NACC2: variants seen among roughly 807,000 people sequenced by gnomAD.
NACC2 encodes NACC family member 2.
A neutral mutation model predicts 25.1 loss-of-function variants in NACC2; 8 were observed. The ratio of observed to expected loss-of-function variants is 0.32; its 90% CI spans 0.19 to 0.57. The LOEUF (loss-of-function observed/expected upper bound fraction) is 0.57, where lower values mean the gene tolerates loss of function less well. NACC2 is among the 20% of genes least tolerant of loss of function. The pLI is 0.89. For missense variants in NACC2, 644 were observed against 650.2 expected, an observed-to-expected ratio of 0.99 and a Z score of 0.10; for synonymous variants, 435 against 294.7, an observed-to-expected ratio of 1.48 and a Z score of -4.88.
At chr9:136,043,462 C>T (rs1445367645) in intron 2 of NACC2, among the ~76,000 whole-genome samples, 6 of 152,362 alleles carry the variant, frequency 3.9e-5, no homozygotes, top group African/African-American at 4.8e-5. Context: ...CAGAGAACCC[C>T]GGCTGCCGTA....
At chr9:136,029,880 C>T (rs1049381483) in intron 2 of NACC2, among the ~76,000 whole-genome samples, 4 of 152,130 alleles carry the variant, frequency 2.6e-5, no homozygotes, top group Admixed American at 6.5e-5. Flanking sequence ...GTGTGGGATC[C>T]GGGCCGGTAG....
At chr9:136,064,606 A>G (rs1057443725) in intron 1 of NACC2, among the ~76,000 whole-genome samples, 4 of 152,186 alleles carry the variant, frequency 2.6e-5, no homozygotes, top group African/African-American at 9.6e-5. Context: ...TAACATTATT[A>G]AAGTCTTCCT....
chr9:136,081,427 T>C (rs1830322777), intron 1 of NACC2, among the ~76,000 whole-genome samples: 1 of 152,190 alleles, frequency 6.6e-6, no homozygotes, highest in South Asian at 2.1e-4. Flanking sequence ...TCCTCCCAGC[T>C]GGGAACTCAG....
intron 5 of NACC2, among the ~76,000 whole-genome samples, chr9:136,012,658 T>TG (rs1236310520): frequency 6.6e-6 from 1 of 151,362 alleles, no homozygotes; most frequent in East Asian, 1.9e-4. Context: ...CAAGGTTTTT[T>TG]TTTTTTTTTT....
intron 2 of NACC2, among the ~76,000 whole-genome samples, chr9:136,039,762 G>C (rs1840601264): frequency 6.6e-6 from 1 of 151,926 alleles, no homozygotes; most frequent in African/African-American, 2.4e-5. Context: ...CTACAAACTG[G>C]TCAAATGCAG....
intron 1 of NACC2, among the ~76,000 whole-genome samples, chr9:136,071,577 ACC>A (rs1841153317): frequency 6.7e-6 from 1 of 149,532 alleles, no homozygotes; most frequent in Non-Finnish European, 1.5e-5. Flanking sequence ...TACCAGCAAG[ACC>A]TTTTGTAAAT....
chr9:136,052,233 G>A (rs1840856139), intron 1 of NACC2, among the ~76,000 whole-genome samples: 1 of 152,224 alleles, frequency 6.6e-6, no homozygotes, highest in Admixed American at 6.5e-5. Context: ...ATACTGTACA[G>A]TAGTGGAGAA....
Position 136,010,232 on chromosome 9 carries a change from T to C in NACC2, c.*1284A>G. The C allele has an allele frequency of 6.6e-6, 1 of 151,736 alleles. No homozygotes were observed. 9.4% of individuals were successfully genotyped at this position (151,736 alleles called of 1,614,324 possible). ...TCTGTCCCCTACCAGTGCCCATACCTCCAACTGCCCCAGCCCAGGCCTGTC... is the reference window on the plus strand; with the variant it reads ...TCTGTCCCCTACCAGTGCCCATACCCCCAACTGCCCCAGCCCAGGCCTGTC... On this transcript the variant is annotated 3_prime_UTR_variant, in exon 6 of 6. Coordinates refer to ENST00000277554, the MANE Select transcript of NACC2 (RefSeq NM_144653.5). This position sits in a 1 kb window ranked among gnomAD's most constrained non-coding sequence, Gnocchi z 4.9.
At chr9:136,052,294 GTT>G (rs1170041138) in intron 1 of NACC2, among the ~76,000 whole-genome samples, 1 of 152,224 alleles carries the variant, frequency 6.6e-6, no homozygotes, top group Admixed American at 6.5e-5. Context: ...TTATGGTGCA[GTT>G]TTGCATATGA....
intron 2 of NACC2, among the ~76,000 whole-genome samples, chr9:136,025,993 A>C (rs1840381109): frequency 6.6e-6 from 1 of 152,214 alleles, no homozygotes; most frequent in Non-Finnish European, 1.5e-5. Flanking sequence ...AGTGCAGATG[A>C]GATTTGTGAA....
intron 1 of NACC2, among the ~76,000 whole-genome samples, chr9:136,063,832 G>A (rs1406722676): frequency 2.0e-5 from 3 of 147,714 alleles, no homozygotes; most frequent in Non-Finnish European, 4.5e-5. Context: ...GCAGTGAGCC[G>A]AGATCATACC....
intron 2 of NACC2, among the ~76,000 whole-genome samples, chr9:136,017,599 G>A (rs909820214): frequency 6.6e-6 from 1 of 152,052 alleles, no homozygotes; most frequent in Non-Finnish European, 1.5e-5. Flanking sequence ...GGGTTCCAGG[G>A]TGAAGATCAG....
At chr9:136,090,001 A>T (rs1830419067) in intron 1 of NACC2, among the ~76,000 whole-genome samples, 1 of 152,080 alleles carries the variant, frequency 6.6e-6, no homozygotes, top group African/African-American at 2.4e-5. Context: ...AAAAAAGAAT[A>T]AACTGCTGAC....
rs1278175506 is a variant in NACC2, at chr9:136,049,622, C to G, written c.886+14G>C. 2.7e-5 allele frequency: 21 copies of G among 770,028 alleles called. No individual in the cohort carries two copies. The highest frequency in any genetic ancestry group is 6.8e-5 in the South Asian group (5 of 73,892). The allele number at this position is 770,028 out of a possible 1,614,324, so 47.7% of individuals were successfully genotyped here. On this transcript the variant is annotated intron_variant, in intron 2 of 5. Transcript: ENST00000277554. ...CCCAGCCAGGTGGTGTGGGGCTCCA[C>G]CCCGCCGCGTTACCTGCATAGCTGC... is the stretch of plus-strand genomic sequence containing the variant.
At chr9:136,015,112 G>A (rs1185793790) in intron 3 of NACC2, among the ~76,000 whole-genome samples, 1 of 152,166 alleles carries the variant, frequency 6.6e-6, no homozygotes, top group Non-Finnish European at 1.5e-5. Flanking sequence ...TGGGCTGGAG[G>A]AACTCTCCTG....
In NACC2 at chr9:136,050,051, G is replaced by C. The variant is rs1164458919; in HGVS notation, c.471C>G (p.Ala157=). The change falls in exon 2 of 6, where the codon GCC becomes GCG. Residue 157 remains alanine, a synonymous_variant. Coordinates refer to ENST00000277554, the MANE Select transcript of NACC2 (RefSeq NM_144653.5). The part of the protein sequence containing the change: ...NQLQPAAAAA[A]PYVVSPSVPI... ...GCACCGAGGGGGACACGACGTAGGGGGCCGCGGCGGCGGCGGCCGGCTGCA... is the reference window on the plus strand; with the variant it reads ...GCACCGAGGGGGACACGACGTAGGGCGCCGCGGCGGCGGCGGCCGGCTGCA... 9 of 721,588 alleles carry C rather than the reference G, an allele frequency of 1.2e-5. No homozygotes were observed. The highest frequency in any genetic ancestry group is 2.0e-5 in the Non-Finnish European group (8 of 395,888). The allele number at this position is 721,588 out of a possible 1,614,324, so 44.7% of individuals were successfully genotyped here.
intron 1 of NACC2, among the ~76,000 whole-genome samples, chr9:136,081,563 G>C (rs1041431007): frequency 6.6e-6 from 1 of 152,250 alleles, no homozygotes; most frequent in Admixed American, 6.5e-5. Context: ...AATCACAGCT[G>C]CCGAATCTCT....
intron 1 of NACC2, among the ~76,000 whole-genome samples, chr9:136,051,885 G>C (rs1427504468): frequency 1.7e-5 from 2 of 115,980 alleles, no homozygotes; most frequent in Non-Finnish European, 3.5e-5. Context: ...CAAGGAGGAG[G>C]AGGAGGAGGA....
At position 136,014,569 on chromosome 9, in the gene NACC2, G is replaced by C. The variant is rs567564725; in HGVS notation, c.1052-600C>G. Among the ~76,000 whole-genome samples, 221 of 152,284 alleles carry C rather than the reference G, an allele frequency of 1.5e-3. 1 individual carries two copies. Among genetic ancestry groups the C allele is most frequent in the Admixed American group, 4.3e-3 (66 of 15,306 alleles). ...CTCCCAAAGTGCTGGGATTACAGGA[G>C]GAGGGGCACTGCACCTGGCCTAGGG... On this transcript the variant is annotated intron_variant, in intron 3 of 5. Transcript: ENST00000277554.
Sources: allele counts gnomAD v4.1 joint callset (sites outside exome capture counted in the v4.1 genomes callset), GRCh38; gene constraint gnomAD v4.1.1; non-coding constraint Gnocchi (gnomAD v3.1); transcripts MANE v1.5; gene names NCBI Gene and HGNC (gene_info 2026-07-23, HGNC 2026-07-21).